The following TOP2A variants were observed in gnomAD, a reference collection of about 807,000 sequenced individuals.
The protein encoded by TOP2A is DNA topoisomerase II alpha, also known as DNA topoisomerase 2-alpha.
Under a neutral mutation model 187.2 loss-of-function variants are expected in TOP2A, and 68 were observed. The observed-to-expected ratio is 0.36, with a 90% CI of 0.30 to 0.44. The LOEUF (loss-of-function observed/expected upper bound fraction) is 0.44, where lower values mean the gene tolerates loss of function less well. TOP2A is among the 20% of genes least tolerant of loss of function. The pLI is 1.00. For missense variants in TOP2A, 1,196 were observed against 1,808.7 expected, an observed-to-expected ratio of 0.66 and a Z score of 6.14; for synonymous variants, 542 against 593.2, an observed-to-expected ratio of 0.91 and a Z score of 1.25.
chr17:40,416,568 A>T (rs900595968), intron 2 of TOP2A, 56 bp from the exon 3 acceptor site: 5 of 1,471,588 alleles, frequency 3.4e-6, no homozygotes, highest in Admixed American at 3.6e-5. Flanking sequence ...TTGTTCTGTT[A>T]TCATGATTAC....
At chr17:40,410,991 A>G in intron 10 of TOP2A, 118 bp downstream of exon 10, 1 of 1,062,910 alleles carries the variant, frequency 9.4e-7, no homozygotes, top group Non-Finnish European at 1.3e-6. Context: ...CTTCCTTTTC[A>G]GATTGGGAAG....
At chr17:40,417,488 C>G in intron 1 of TOP2A, 1 of 1,357,616 alleles carries the variant, frequency 7.4e-7, no homozygotes, top group Non-Finnish European at 9.6e-7. Context: ...AACGTCGCAC[C>G]CGGGCCGCTG....
chr17:40,411,471 A>G lies in TOP2A; in HGVS notation c.964-16T>C. 6.2e-7 allele frequency: 1 copy of G among 1,608,850 alleles called. No homozygotes were observed. On this transcript the variant is annotated splice_polypyrimidine_tract_variant and intron_variant, in intron 8 of 34. Coordinates refer to ENST00000423485, the MANE Select transcript of TOP2A (RefSeq NM_001067.4). The surrounding 1 kb of genome is among the most constrained non-coding windows in gnomAD (Gnocchi z 4.4). ...GTCTGCCACCCTAATAAGGAAAAAT[A>G]CCAAACTGTAAAACTCAGTATCCTC... is the stretch of plus-strand genomic sequence containing the variant.
At chr17:40,404,943 A>G (rs2035220326) in intron 16 of TOP2A, 60 bp from the exon 17 acceptor site, 3 of 1,002,428 alleles carry the variant, frequency 3.0e-6, no homozygotes, top group East Asian at 5.2e-5. Context: ...GTTCCAAAAT[A>G]TCCTTCTACA....
Position 40,396,298 on chromosome 17 carries a change from A to C in TOP2A, c.3705T>G (p.Asn1235Lys), listed in dbSNP as rs758074136. The C allele has an allele frequency of 1.4e-5, 23 of 1,591,710 alleles. No individual in the cohort carries two copies. The Middle Eastern group carries it at 5.0e-4, about 34-fold the overall frequency. Residue 1235 changes from asparagine to lysine, a missense_variant, in exon 28 of 35, where the codon AAT becomes AAG. This residue lies in a region of TOP2A where 374 missense variants were observed against 403.3 expected (regional missense o/e 0.93). Coordinates refer to ENST00000423485, the MANE Select transcript of TOP2A (RefSeq NM_001067.4). ...AGAGTATTACCTTAATTTTCTTTTT[A>C]TTTTTCTTTTCTGCCTCTGCTTTCA... ...IEMKAEAEKK[N>K]KKKIKNENTE...
rs61756257 is a variant in TOP2A, at chr17:40,398,615, T to C, written c.3480A>G (p.Arg1160=). The part of the protein sequence containing the change: ...EKEQELDTLK[R]KSPSDLWKED... ...CTTTCCACAAATCTGATGGACTCTT[T>C]CTTTTTAATGTGTCCAGCTCTTGTT... Residue 1160 remains arginine, a synonymous_variant, in exon 27 of 35, where the codon AGA becomes AGG. Coordinates refer to ENST00000423485, the MANE Select transcript of TOP2A (RefSeq NM_001067.4). 6.3e-7 allele frequency: 1 copy of C among 1,595,112 alleles called. No homozygotes were observed. The highest frequency in any genetic ancestry group is 8.6e-7 in the Non-Finnish European group (1 of 1,169,282).
intron 28 of TOP2A, among the ~76,000 whole-genome samples, chr17:40,396,066 G>A (rs1004229018): frequency 8.6e-5 from 13 of 150,528 alleles, no homozygotes; most frequent in African/African-American, 3.2e-4. Context: ...TGCAACCTCT[G>A]CCTCCCGGGT....
At position 40,408,041 on chromosome 17, in the gene TOP2A, C is replaced by T; in HGVS notation, c.1426G>A (p.Val476Ile). The T allele has an allele frequency of 6.2e-7, 1 of 1,613,742 alleles. No homozygotes were observed. Among genetic ancestry groups the T allele is most frequent in the Non-Finnish European group, 8.5e-7 (1 of 1,179,722 alleles). Residue 476 changes from valine (V) to isoleucine (I), a missense_variant, in exon 12 of 35, where the codon GTT (valine) becomes ATT (isoleucine). Physicochemically the swap from Val to Ile is conservative, Grantham distance 29. This residue lies in a region of TOP2A where 252 missense variants were observed against 434.8 expected (regional missense o/e 0.58). Coordinates refer to ENST00000423485, the MANE Select transcript of TOP2A (RefSeq NM_001067.4). ...KTLAVSGLGV[V>I]GRDKYGVFPL... ...AAAACCCCATATTTGTCTCTCCCAA[C>T]CACACCAAGGCCTGAAACAGCCAAA...
chr17:40,414,725 G>A (rs1473720888), intron 4 of TOP2A, among the ~76,000 whole-genome samples: 2 of 151,610 alleles, frequency 1.3e-5, no homozygotes, highest in Non-Finnish European at 2.9e-5. Flanking sequence ...GTGTGGTGGT[G>A]TGCGCCTGTA....
In TOP2A at chr17:40,391,499, G is replaced by T; in HGVS notation, c.4267+7C>A. ...AACATTAACCCATCTCAAAGATTTA[G>T]GCTTACTTTTTGCTGCTGTCTTCTT... is the stretch of plus-strand genomic sequence containing the variant. On this transcript the variant is annotated splice_region_variant and intron_variant, in intron 33 of 34. Transcript: ENST00000423485. 1 of 1,606,882 alleles carries T rather than the reference G, an allele frequency of 6.2e-7. No individual in the cohort carries two copies. The highest frequency in any genetic ancestry group is 8.5e-7 in the Non-Finnish European group (1 of 1,177,530).
intron 4 of TOP2A, 48 bp from the exon 5 acceptor site, chr17:40,413,673 T>A: frequency 1.1e-6 from 1 of 914,028 alleles, no homozygotes; most frequent in Non-Finnish European, 1.6e-6. Flanking sequence ...ATTAAACGAA[T>A]GCTTAACATT....
intron 29 of TOP2A, among the ~76,000 whole-genome samples, chr17:40,394,673 T>A (rs2035067743): frequency 1.3e-5 from 2 of 152,150 alleles, no homozygotes; most frequent in African/African-American, 4.8e-5. Flanking sequence ...CATGTGAATA[T>A]CTCAATAAAG....
In TOP2A at chr17:40,392,716, G is replaced by C. The variant is rs371038722; in HGVS notation, c.3833C>G (p.Thr1278Ser). Residue 1278 changes from threonine (T) to serine (S), a missense_variant, in exon 30 of 35, where the codon ACT (threonine) becomes AGT (serine). By Grantham distance (58) the Thr-to-Ser change is moderately conservative. This residue lies in a region of TOP2A where 374 missense variants were observed against 403.3 expected (regional missense o/e 0.93). Transcript: ENST00000423485. ...REPGTKTKKQ[T>S]TLAFKPIKKG... ...TTTGATTGGCTTAAATGCCAATGTA[G>C]TTTGTTTCTTTGTCTTTGTACCTAG... 1 of 1,610,982 alleles carries C rather than the reference G, an allele frequency of 6.2e-7. No individual in the cohort carries two copies. The highest frequency in any genetic ancestry group is 8.5e-7 in the Non-Finnish European group (1 of 1,179,476).
Position 40,392,715 on chromosome 17 carries a change from A to G in TOP2A, c.3834T>C (p.Thr1278=), listed in dbSNP as rs1245962014. The G allele has an allele frequency of 6.2e-7, 1 of 1,611,466 alleles. No homozygotes were observed. Among genetic ancestry groups the G allele is most frequent in the Non-Finnish European group, 8.5e-7 (1 of 1,179,600 alleles). ...REPGTKTKKQ[T]TLAFKPIKKG... ...TTTTGATTGGCTTAAATGCCAATGT[A>G]GTTTGTTTCTTTGTCTTTGTACCTA... Residue 1278 remains threonine, a synonymous_variant, in exon 30 of 35, where the codon ACT becomes ACC. Transcript: ENST00000423485.
At chr17:40,414,117 T>C (rs1421020782) in intron 4 of TOP2A, among the ~76,000 whole-genome samples, 1 of 152,044 alleles carries the variant, frequency 6.6e-6, no homozygotes, top group African/African-American at 2.4e-5. Flanking sequence ...AATACAAAAT[T>C]TTAAAATGTT....
In TOP2A at chr17:40,408,771, G is replaced by C. The variant is rs971635085; in HGVS notation, c.1204-141C>G. 2.0e-5 allele frequency: 18 copies of C among 913,310 alleles called. No individual in the cohort carries two copies. In the African/African-American group the frequency reaches 2.6e-4, roughly 13 times the overall value. The allele number at this position is 913,310 out of a possible 1,614,324, so 56.6% of individuals were successfully genotyped here. On this transcript the variant is annotated intron_variant, in intron 10 of 34. Coordinates refer to ENST00000423485, the MANE Select transcript of TOP2A (RefSeq NM_001067.4). ...GTAGAACAATAATTTCTGGATAGAG[G>C]GTGGCACATCTTCCCATGTCAGGTT...
At chr17:40,406,352 T>C (rs1222648828) in intron 16 of TOP2A, 32 bp downstream of exon 16, 1 of 1,502,292 alleles carries the variant, frequency 6.7e-7, no homozygotes, top group Non-Finnish European at 9.1e-7. Flanking sequence ...TTTCTAAAAT[T>C]AGAATGTATA....
At chr17:40,391,458 C>A in intron 33 of TOP2A, 48 bp downstream of exon 33, 2 of 1,540,384 alleles carry the variant, frequency 1.3e-6, no homozygotes, top group Non-Finnish European at 8.7e-7. Flanking sequence ...CACGTGGAAA[C>A]CAGTTAGGTA....
In TOP2A at chr17:40,408,045, A is replaced by C; in HGVS notation, c.1422T>G (p.Gly474=). 6.2e-7 allele frequency: 1 copy of C among 1,613,626 alleles called. No homozygotes were observed. The highest frequency in any genetic ancestry group is 8.5e-7 in the Non-Finnish European group (1 of 1,179,678). The change falls in exon 12 of 35, where the codon GGT becomes GGG. Residue 474 remains glycine, a synonymous_variant. Transcript: ENST00000423485. The part of the protein sequence containing the change: ...SAKTLAVSGL[G]VVGRDKYGVF... ...CCCCATATTTGTCTCTCCCAACCAC[A>C]CCAAGGCCTGAAACAGCCAAAGTTT...
Sources: allele counts gnomAD v4.1 joint callset (sites outside exome capture counted in the v4.1 genomes callset), GRCh38; gene constraint gnomAD v4.1.1; regional missense constraint gnomAD v4.1.1; non-coding constraint Gnocchi (gnomAD v3.1); transcripts MANE v1.5; gene names NCBI Gene and HGNC (gene_info 2026-07-23, HGNC 2026-07-21).